BPIFB1: variants seen among roughly 807,000 people sequenced by gnomAD.
BPIFB1 encodes the protein BPI fold-containing family B member 1.
In BPIFB1, 34 loss-of-function variants were observed where a neutral mutation model predicts 55.1. That is an observed-to-expected ratio of 0.62 (90% CI 0.47 to 0.82). The LOEUF is 0.82. Ranked by LOEUF, BPIFB1 falls within the 40% of genes least tolerant of loss-of-function variation. The pLI, the probability that BPIFB1 is intolerant of heterozygous loss-of-function variation, is 0.00. For synonymous variants in BPIFB1, 236 were observed against 245.3 expected (o/e 0.96, Z 0.35); for missense variants, 532 against 593.1 (o/e 0.90, Z 1.07).
chr20:33,300,204 G>C (rs942331772), intron 8 of BPIFB1, among the ~76,000 whole-genome samples: 1 of 152,076 alleles, frequency 6.6e-6, no homozygotes, highest in African/African-American at 2.4e-5. Context: ...AGAGTGACAT[G>C]GGGGGGCCCG....
chr20:33,305,316 C>CTT (rs34490442), intron 13 of BPIFB1, among the ~76,000 whole-genome samples: 4,412 of 106,166 alleles, frequency 0.042, 569 homozygotes, highest in African/African-American at 0.14. Flanking sequence ...CTATTTTTGA[C>CTT]TTTTTTTTTT....
rs1268598702 is a variant in BPIFB1, at chr20:33,302,393, T to C, written c.962T>C (p.Ile321Thr). 2.5e-6 allele frequency: 4 copies of C among 1,613,738 alleles called. No homozygotes were observed. In the African/African-American group the frequency reaches 4.0e-5, roughly 16 times the overall value. ...PESAHRLKSS[I>T]GLINEKAADK... is the part of the protein sequence containing the mutation. The stretch of plus-strand genomic sequence containing the variant: ...AGTGCCCATCGGCTGAAGTCAAGCA[T>C]CGGGCTGATCAATGAAAAGGTTGGT... The change falls in exon 10 of 16, where the codon ATC becomes ACC. Residue 321 changes from isoleucine to threonine, a missense_variant. By Grantham distance (89) the Ile-to-Thr change is moderately conservative. Transcript: ENST00000253354.
intron 2 of BPIFB1, among the ~76,000 whole-genome samples, chr20:33,286,920 C>T (rs1028551700): frequency 1.4e-4 from 22 of 152,322 alleles, no homozygotes; most frequent in African/African-American, 5.3e-4. Context: ...GTCTCATCCC[C>T]TTAGAGGGGA....
chr20:33,303,275 G>T (rs1177420232), intron 11 of BPIFB1, among the ~76,000 whole-genome samples: 1 of 152,102 alleles, frequency 6.6e-6, no homozygotes, highest in Non-Finnish European at 1.5e-5. Context: ...GGAATCTCTG[G>T]ACAGAAACTC....
Position 33,286,050 on chromosome 20 carries a change from T to C in BPIFB1, c.-24T>C. ...CACCCCAGGTCTGGCATCCTGCACT[T>C]GCTGCCCTCTGACACCTGGGAAGAT... On this transcript the variant is annotated 5_prime_UTR_variant, in exon 2 of 16. Coordinates refer to ENST00000253354, the MANE Select transcript of BPIFB1 (RefSeq NM_033197.3). The C allele has an allele frequency of 1.2e-6, 2 of 1,611,320 alleles. No homozygotes were observed. The highest frequency in any genetic ancestry group is 2.2e-5 in the South Asian group (2 of 91,010).
intron 1 of BPIFB1, 47 bp from the exon 2 acceptor site, chr20:33,285,986 G>A: frequency 1.6e-6 from 2 of 1,269,644 alleles, no homozygotes; most frequent in Admixed American, 3.5e-5. Flanking sequence ...GGCATCATGG[G>A]CCTGCCCTTG....
At chr20:33,294,445 C>T (rs977912393) in intron 6 of BPIFB1, among the ~76,000 whole-genome samples, 8 of 152,106 alleles carry the variant, frequency 5.3e-5, no homozygotes, top group African/African-American at 1.7e-4. Flanking sequence ...GTTGAGACTC[C>T]GACCTTTTAG....
chr20:33,305,925 G>C (rs1981009968), intron 13 of BPIFB1, 77 bp from the exon 14 acceptor site: 3 of 1,514,070 alleles, frequency 2.0e-6, no homozygotes, highest in Non-Finnish European at 2.7e-6. Context: ...ATGGGGAGGA[G>C]CCACACCCAC....
intron 4 of BPIFB1, among the ~76,000 whole-genome samples, chr20:33,290,502 G>C (rs1416227392): frequency 2.0e-5 from 3 of 152,158 alleles, no homozygotes; most frequent in African/African-American, 7.2e-5. Context: ...ATGTTTTGGA[G>C]GTAGGTGGGG....
At position 33,288,863 on chromosome 20, in the gene BPIFB1, G is replaced by T; in HGVS notation, c.238G>T (p.Val80Phe). ...IPVLGSLVNT[V>F]LKHIIWLKVI... ...TGTGCTGGGCAGCCTGGTGAACACC[G>T]TCCTGAAGCACATCATCTGGTGAGT... The change falls in exon 3 of 16, where the codon GTC becomes TTC. Residue 80 changes from valine (V) to phenylalanine (F), a missense_variant. Coordinates refer to ENST00000253354, the MANE Select transcript of BPIFB1 (RefSeq NM_033197.3). The T allele has an allele frequency of 6.2e-7, 1 of 1,613,672 alleles. No homozygotes were observed. Among genetic ancestry groups the T allele is most frequent in the South Asian group, 1.1e-5 (1 of 91,074 alleles).
At chr20:33,292,355 A>T (rs562147504) in intron 6 of BPIFB1, among the ~76,000 whole-genome samples, 1 of 152,360 alleles carries the variant, frequency 6.6e-6, no homozygotes, top group East Asian at 1.9e-4. Context: ...GATGTCACTG[A>T]ACAGAGTTGG....
Position 33,296,871 on chromosome 20 carries a change from G to A in BPIFB1, c.598-654G>A, listed in dbSNP as rs149746265. ...TGGCCTCTGTTCCAGAGTCTGACAT[G>A]TGAAAAGAACTCAGTAGCAACTTGC... is the stretch of plus-strand genomic sequence containing the variant. On this transcript the variant is annotated intron_variant, in intron 6 of 15. Coordinates refer to ENST00000253354, the MANE Select transcript of BPIFB1 (RefSeq NM_033197.3). 3.1e-3 allele frequency among the ~76,000 whole-genome samples: 471 copies of A among 152,354 alleles called. 2 individuals are homozygous for A. The highest frequency in any genetic ancestry group is 4.9e-3 in the Non-Finnish European group (336 of 68,030).
chr20:33,286,843 G>C (rs1304191320), intron 2 of BPIFB1, among the ~76,000 whole-genome samples: 1 of 152,178 alleles, frequency 6.6e-6, no homozygotes, highest in Non-Finnish European at 1.5e-5. Flanking sequence ...AACCAAAAAG[G>C]TCTCCAGACA....
chr20:33,304,044 A>G lies in BPIFB1; in HGVS notation c.1208+19A>G, dbSNP rs1179235138. 1.9e-6 allele frequency: 3 copies of G among 1,604,426 alleles called. No homozygotes were observed. The South Asian group carries it at 3.3e-5, about 18-fold the overall frequency. On this transcript the variant is annotated intron_variant, in intron 12 of 15. Coordinates refer to ENST00000253354, the MANE Select transcript of BPIFB1 (RefSeq NM_033197.3). ...ACATCAGGTAAACACACAAATCATC[A>G]TGAAGATTCTGCTGATGGAAATGAG...
At chr20:33,290,016 C>T in intron 4 of BPIFB1, 24 bp downstream of exon 4, 1 of 1,572,600 alleles carries the variant, frequency 6.4e-7, no homozygotes, top group Non-Finnish European at 8.8e-7. Context: ...CCATCAAGTA[C>T]AGTAGGCTTG....
At chr20:33,295,593 C>T (rs1324977850) in intron 6 of BPIFB1, among the ~76,000 whole-genome samples, 4 of 144,946 alleles carry the variant, frequency 2.8e-5, no homozygotes, top group Non-Finnish European at 5.9e-5. Context: ...TGCACCACTG[C>T]ACTCCAGCCT....
chr20:33,309,655 C>A lies in BPIFB1; in HGVS notation c.1396-53C>A. The A allele has an allele frequency of 6.4e-7, 1 of 1,574,378 alleles. No homozygotes were observed. The highest frequency in any genetic ancestry group is 8.7e-7 in the Non-Finnish European group (1 of 1,144,150). On this transcript the variant is annotated intron_variant, in intron 15 of 15. Transcript: ENST00000253354. This position sits in a 1 kb window ranked among gnomAD's most constrained non-coding sequence, Gnocchi z 4.4. ...TGGAGGACAAAACCAGCATAAACCA[C>A]AAGGCAAAAGGTTAAAGAAACCTGT...
chr20:33,299,935 A>T lies in BPIFB1; in HGVS notation c.698A>T (p.Asp233Val), dbSNP rs758977710. 2.7e-5 allele frequency: 44 copies of T among 1,613,536 alleles called. 1 individual carries two copies. The highest frequency in any genetic ancestry group is 2.5e-4 in the South Asian group (23 of 91,060). ...CTCAGCATTGACCGTCTGGAGTTTG[A>T]CCTTCTGTATCCTGCCATCAAGGGT... ...ISLSIDRLEF[D>V]LLYPAIKGDT... The change falls in exon 8 of 16, where the codon GAC becomes GTC. Residue 233 changes from aspartate (D) to valine (V), a missense_variant. Coordinates refer to ENST00000253354, the MANE Select transcript of BPIFB1 (RefSeq NM_033197.3).
At chr20:33,286,005 G>A (rs1419440212) in intron 1 of BPIFB1, 28 bp from the exon 2 acceptor site, 3 of 1,487,232 alleles carry the variant, frequency 2.0e-6, no homozygotes, top group Non-Finnish European at 1.9e-6. Flanking sequence ...TGGCCCCTCT[G>A]CCTCAGGTCC....
Sources: gnomAD v4.1 joint callset for allele counts (sites outside exome capture counted in the v4.1 genomes callset) on GRCh38, gnomAD v4.1.1 for gene constraint, Gnocchi (gnomAD v3.1) non-coding constraint, MANE v1.5 for transcripts, NCBI Gene and HGNC (gene_info 2026-07-23, HGNC 2026-07-21) for gene names.